The following RHBDD2 variants were observed in gnomAD, a reference collection of about 807,000 sequenced individuals.
RHBDD2 encodes rhomboid domain containing 2.
RHBDD2 carries 13 observed loss-of-function variants against 21.7 expected under a neutral mutation model. The observed-to-expected ratio is 0.60, with a 90% CI of 0.39 to 0.95. RHBDD2 has a LOEUF of 0.95. Ranked by LOEUF, RHBDD2 falls within the 40% of genes least tolerant of loss-of-function variation. The pLI, the probability that RHBDD2 is intolerant of heterozygous loss-of-function variation, is 0.00. For synonymous variants in RHBDD2, 225 were observed against 220.0 expected, an observed-to-expected ratio of 1.02 and a Z score of -0.20; for missense variants, 473 against 478.9, an observed-to-expected ratio of 0.99 and a Z score of 0.11.
chr7:75,888,136 G>C lies in RHBDD2; in HGVS notation c.882G>C (p.Leu294Phe). 2.5e-6 allele frequency: 4 copies of C among 1,613,752 alleles called. No homozygotes were observed. Among genetic ancestry groups the C allele is most frequent in the South Asian group, 2.2e-5 (2 of 91,078 alleles). The part of the protein sequence containing the change: ...PSCTPGHMPT[L>F]PPYQPASGLC... ...GCACCCCCGGGCACATGCCCACCTT[G>C]CCTCCGTACCAGCCTGCCTCCGGCC... is the stretch of plus-strand genomic sequence containing the variant. Residue 294 changes from leucine (L) to phenylalanine (F), a missense_variant, in exon 4 of 4, where the codon TTG (leucine) becomes TTC (phenylalanine). Leu to Phe is a conservative substitution (Grantham distance 22, BLOSUM62 0). Coordinates refer to ENST00000006777, the MANE Select transcript of RHBDD2 (RefSeq NM_001040456.3).
intron 2 of RHBDD2, 46 bp from the exon 3 acceptor site, chr7:75,883,652 C>T (rs1805463499): frequency 6.3e-7 from 1 of 1,585,502 alleles, no homozygotes; most frequent in Non-Finnish European, 8.6e-7. Context: ...GTGTTCGGCC[C>T]TCCTCCCTTT....
intron 1 of RHBDD2, 104 bp from the exon 2 acceptor site, chr7:75,881,725 T>C: frequency 1.7e-6 from 2 of 1,209,768 alleles, no homozygotes; most frequent in Non-Finnish European, 2.3e-6. Context: ...CTCTCACTTC[T>C]CTGTCACGGA....
At chr7:75,887,394 T>C (rs1805744514) in intron 3 of RHBDD2, among the ~76,000 whole-genome samples, 1 of 151,710 alleles carries the variant, frequency 6.6e-6, no homozygotes. Context: ...CTTGGCTCAC[T>C]GCAACCTCTG....
rs1446322160 is a variant in RHBDD2, at chr7:75,888,535, T to C, written c.*186T>C. The C allele has an allele frequency of 3.6e-6, 2 of 553,980 alleles. No individual in the cohort carries two copies. Among genetic ancestry groups the C allele is most frequent in the Non-Finnish European group, 6.4e-6 (2 of 313,514 alleles). 34.3% of individuals were successfully genotyped at this position (553,980 alleles called of 1,614,324 possible). A position where few individuals can be genotyped will look rare whatever the true frequency, so the allele number is the denominator to read the frequency against. On this transcript the variant is annotated 3_prime_UTR_variant, in exon 4 of 4. Transcript: ENST00000006777. ...GTGGAGTACGGTGTACTGGCCCAGC[T>C]TACAGATGCAGAAAGCGAGACGTTC...
intron 1 of RHBDD2, among the ~76,000 whole-genome samples, chr7:75,879,555 C>T (rs782291834): frequency 6.6e-6 from 1 of 152,232 alleles, no homozygotes; most frequent in African/African-American, 2.4e-5. Flanking sequence ...CAAATCCATT[C>T]GCTAGCAAAT....
chr7:75,882,512 A>C (rs1337476997), intron 2 of RHBDD2, among the ~76,000 whole-genome samples: 1 of 152,074 alleles, frequency 6.6e-6, no homozygotes, highest in Non-Finnish European at 1.5e-5. Context: ...TTTAGTAGAC[A>C]CAGGGTTTCA....
chr7:75,881,491 G>A, intron 1 of RHBDD2: 2 of 1,309,536 alleles, frequency 1.5e-6, no homozygotes, highest in South Asian at 2.5e-5. Flanking sequence ...AGTGAGGTAG[G>A]TCAGTATGAA....
At chr7:75,881,592 C>T (rs577642661) in intron 1 of RHBDD2, 131 of 1,236,810 alleles carry the variant, frequency 1.1e-4, no homozygotes, top group Middle Eastern at 6.4e-4. Context: ...AGTCAGTTAC[C>T]GCTAAGAGTT....
At chr7:75,887,063 C>T (rs894377084) in intron 3 of RHBDD2, among the ~76,000 whole-genome samples, 2 of 151,794 alleles carry the variant, frequency 1.3e-5, no homozygotes, top group Non-Finnish European at 2.9e-5. Flanking sequence ...TGTCATGACA[C>T]GCATGTTTAT....
intron 2 of RHBDD2, among the ~76,000 whole-genome samples, chr7:75,882,768 T>G (rs1490767798): frequency 6.6e-6 from 1 of 152,230 alleles, no homozygotes; most frequent in African/African-American, 2.4e-5. Flanking sequence ...GATAGGCGGT[T>G]AACTTACTTG....
intron 3 of RHBDD2, 83 bp from the exon 4 acceptor site, chr7:75,887,909 A>C (rs1489427180): frequency 8.5e-7 from 1 of 1,178,010 alleles, no homozygotes; most frequent in Admixed American, 1.9e-5. Context: ...TTGTACTAGA[A>C]AGCGGGGGCA....
At chr7:75,887,800 T>C (rs1262766534) in intron 3 of RHBDD2, among the ~76,000 whole-genome samples, 192 bp from the exon 4 acceptor site, 3 of 152,104 alleles carry the variant, frequency 2.0e-5, no homozygotes, top group Admixed American at 6.6e-5. Flanking sequence ...GGACTGCAAC[T>C]GGCCCCACCC....
intron 1 of RHBDD2, chr7:75,881,256 C>A: frequency 1.1e-6 from 1 of 935,340 alleles, no homozygotes; most frequent in Non-Finnish European, 1.5e-6. Context: ...ATCGGATAAG[C>A]ACTTTCTGAG....
intron 3 of RHBDD2, 48 bp from the exon 4 acceptor site, chr7:75,887,944 C>T: frequency 6.6e-7 from 1 of 1,521,266 alleles, no homozygotes; most frequent in Non-Finnish European, 9.0e-7. Context: ...ATGCCATGAC[C>T]TTGCCAAGAC....
At chr7:75,887,897 T>C in intron 3 of RHBDD2, 95 bp from the exon 4 acceptor site, 1 of 1,003,346 alleles carries the variant, frequency 1.0e-6, no homozygotes, top group Non-Finnish European at 1.5e-6. Flanking sequence ...ATCCAAGGCA[T>C]GTTGTACTAG....
rs782677037 is a variant in RHBDD2, at chr7:75,882,002, G to A, written c.352G>A (p.Glu118Lys). ...CTCCGCTATCATCTTCCTGTCATTC[G>A]AGGCTGTGTCATCACTGTCAAAGCT... ...IFSAIIFLSF[E>K]AVSSLSKLGE... is the part of the protein sequence containing the mutation. The change falls in exon 2 of 4, where the codon GAG becomes AAG. Residue 118 changes from glutamate (E) to lysine (K), a missense_variant. Glu to Lys is a moderately conservative substitution (Grantham distance 56). Transcript: ENST00000006777. The A allele has an allele frequency of 2.5e-6, 4 of 1,614,190 alleles. No homozygotes were observed. Among genetic ancestry groups the A allele is most frequent in the East Asian group, 2.2e-5 (1 of 44,874 alleles).
At chr7:75,880,463 T>G (rs1805254994) in intron 1 of RHBDD2, among the ~76,000 whole-genome samples, 1 of 152,094 alleles carries the variant, frequency 6.6e-6, no homozygotes, top group African/African-American at 2.4e-5. Context: ...TCCCTGGGTG[T>G]GGGTTTCGTG....
At chr7:75,883,900 A>T (rs1402558324) in intron 3 of RHBDD2, 52 bp downstream of exon 3, 77 of 1,155,230 alleles carry the variant, frequency 6.7e-5, no homozygotes, top group Middle Eastern at 2.8e-4. Context: ...AAAAAAAATT[A>T]TTTTTTTTTT....
intron 1 of RHBDD2, chr7:75,881,604 C>G: frequency 4.3e-6 from 5 of 1,165,286 alleles, no homozygotes; most frequent in Non-Finnish European, 5.9e-6. Flanking sequence ...CTAAGAGTTG[C>G]ACCAGGCCTG....
Sources: allele counts gnomAD v4.1 joint callset (sites outside exome capture counted in the v4.1 genomes callset), GRCh38; gene constraint gnomAD v4.1.1; transcripts MANE v1.5; gene names NCBI Gene and HGNC (gene_info 2026-07-23, HGNC 2026-07-21).